The following PKIG variants were observed in gnomAD, a reference collection of about 807,000 sequenced individuals.
PKIG encodes the protein protein kinase (cAMP-dependent, catalytic) inhibitor gamma.
PKIG carries 1 observed loss-of-function variant against 6.8 expected under a neutral mutation model. The ratio of observed to expected loss-of-function variants is 0.15; its 90% confidence interval spans 0.05 to 0.69. The LOEUF (loss-of-function observed/expected upper bound fraction) is 0.69. PKIG is among the 30% of genes least tolerant of loss of function. The pLI, the probability that PKIG is intolerant of heterozygous loss-of-function variation, is 0.82. For synonymous variants in PKIG, 39 were observed against 43.0 expected (o/e 0.91, Z 0.36); for missense variants, 77 against 104.0 (o/e 0.74, Z 1.13).
chr20:44,614,526 C>T lies in PKIG; in HGVS notation c.-23-8C>T. 6.2e-7 allele frequency: 1 copy of T among 1,609,366 alleles called. No homozygotes were observed. Among genetic ancestry groups the T allele is most frequent in the Non-Finnish European group, 8.5e-7 (1 of 1,176,630 alleles). ...TTACCTCTGCCCCCTTGCCTTCTGTCCCCACAGGCCTGAGGAGCGATGCGA... is the reference window on the plus strand; with the variant it reads ...TTACCTCTGCCCCCTTGCCTTCTGTTCCCACAGGCCTGAGGAGCGATGCGA... On this transcript the variant is annotated splice_polypyrimidine_tract_variant and splice_region_variant and intron_variant, in intron 2 of 3. Coordinates refer to ENST00000372886, the MANE Select transcript of PKIG (RefSeq NM_001281445.2). The surrounding 1 kb of genome is among the most constrained non-coding windows in gnomAD (Gnocchi z 4.6).
chr20:44,550,063 GTT>G (rs1021924488), intron 1 of PKIG, among the ~76,000 whole-genome samples: 18 of 150,156 alleles, frequency 1.2e-4, no homozygotes, highest in Non-Finnish European at 2.4e-4. Flanking sequence ...GTATACCTTA[GTT>G]TTTTATGTAT....
chr20:44,568,788 C>T (rs931337999), intron 1 of PKIG, among the ~76,000 whole-genome samples: 3 of 151,986 alleles, frequency 2.0e-5, no homozygotes, highest in Non-Finnish European at 4.4e-5. Flanking sequence ...AGATATTCTT[C>T]GATAGTATCA....
intron 2 of PKIG, among the ~76,000 whole-genome samples, chr20:44,601,861 C>A (rs1415391519): frequency 6.6e-6 from 1 of 152,212 alleles, no homozygotes; most frequent in African/African-American, 2.4e-5. Context: ...GCAATGAGGA[C>A]TAATAGCTGC....
chr20:44,586,201 G>A (rs2064989238), intron 1 of PKIG, among the ~76,000 whole-genome samples: 2 of 152,174 alleles, frequency 1.3e-5, no homozygotes, highest in South Asian at 4.1e-4. Context: ...TGACCTCAAA[G>A]GGGTGCCATG....
intron 1 of PKIG, among the ~76,000 whole-genome samples, chr20:44,550,515 C>T (rs1036544632): frequency 7.9e-5 from 12 of 152,056 alleles, no homozygotes; most frequent in African/African-American, 2.9e-4. Flanking sequence ...TTTCTGTGCA[C>T]AGTGATTTCC....
chr20:44,617,722 C>G (rs1333201480), intron 3 of PKIG, among the ~76,000 whole-genome samples: 1 of 152,118 alleles, frequency 6.6e-6, no homozygotes, highest in African/African-American at 2.4e-5. Context: ...GCTCCCTGAG[C>G]TGGCCTGGTT....
At chr20:44,540,088 G>A (rs539590762) in intron 1 of PKIG, among the ~76,000 whole-genome samples, 1 of 152,182 alleles carries the variant, frequency 6.6e-6, no homozygotes, top group South Asian at 2.1e-4. Flanking sequence ...AGCCTCCTGA[G>A]TAGCTGGGAC....
At chr20:44,539,038 C>T (rs555187778) in intron 1 of PKIG, among the ~76,000 whole-genome samples, 47 of 152,068 alleles carry the variant, frequency 3.1e-4, no homozygotes, top group African/African-American at 1.1e-3. Flanking sequence ...AAGCAATTAT[C>T]CTGCTTCAGC....
chr20:44,604,717 C>G (rs2065149378), intron 2 of PKIG, among the ~76,000 whole-genome samples: 2 of 152,174 alleles, frequency 1.3e-5, no homozygotes, highest in African/African-American at 4.8e-5. Context: ...TGCAATAATT[C>G]ATCATTCATT....
intron 2 of PKIG, among the ~76,000 whole-genome samples, chr20:44,599,468 A>G (rs927372875): frequency 7.2e-5 from 11 of 152,210 alleles, no homozygotes; most frequent in Non-Finnish European, 1.6e-4. Flanking sequence ...TCAAGCCTGC[A>G]GTCCCAGCAC....
At chr20:44,554,575 G>C (rs948503073) in intron 1 of PKIG, among the ~76,000 whole-genome samples, 2 of 152,130 alleles carry the variant, frequency 1.3e-5, no homozygotes, top group Non-Finnish European at 1.5e-5. Context: ...CAAGGGTGAG[G>C]GGGTGAGGGG....
intron 2 of PKIG, among the ~76,000 whole-genome samples, chr20:44,602,929 G>A (rs1355947820): frequency 6.6e-6 from 1 of 152,014 alleles, no homozygotes; most frequent in Non-Finnish European, 1.5e-5. Flanking sequence ...AGAGAGAAGG[G>A]GACTCATCAA....
intron 2 of PKIG, among the ~76,000 whole-genome samples, chr20:44,593,360 AATCAACACAC>A (rs2065049225): frequency 9.1e-6 from 1 of 109,612 alleles, no homozygotes; most frequent in African/African-American, 3.9e-5. Flanking sequence ...ATGCTATAAT[AATCAACACAC>A]ACACACACAC....
At chr20:44,561,235 GC>G in intron 1 of PKIG, among the ~76,000 whole-genome samples, 1 of 152,296 alleles carries the variant, frequency 6.6e-6, no homozygotes, top group South Asian at 2.1e-4. Flanking sequence ...TACTTGAGAG[GC>G]TGAGGCAGGA....
At chr20:44,593,125 C>A (rs541158654) in intron 2 of PKIG, among the ~76,000 whole-genome samples, 2 of 151,560 alleles carry the variant, frequency 1.3e-5, no homozygotes, top group South Asian at 4.2e-4. Flanking sequence ...TCGAGACCAA[C>A]CTGGGCAACA....
intron 1 of PKIG, among the ~76,000 whole-genome samples, chr20:44,555,171 T>C (rs1466628095): frequency 1.3e-5 from 2 of 152,220 alleles, no homozygotes; most frequent in African/African-American, 4.8e-5. Context: ...ATCGATAGAA[T>C]TATCGTCAGT....
rs533957318 is a variant in PKIG, at chr20:44,598,239, G to C, written c.-24+8373G>C. Among the ~76,000 whole-genome samples, 6 of 152,328 alleles carry C rather than the reference G, an allele frequency of 3.9e-5. No homozygotes were observed. The South Asian group carries it at 1.2e-3, about 32-fold the overall frequency. ...TATGCAGCTCAATGCTCTAGAGGCA[G>C]GTTTCCCCAGAGAGAGCTAGGTGAA... On this transcript the variant is annotated intron_variant, in intron 2 of 3. Coordinates refer to ENST00000372886, the MANE Select transcript of PKIG (RefSeq NM_001281445.2).
At chr20:44,578,813 G>C (rs964784659), upstream of PKIG, among the ~76,000 whole-genome samples, 4 of 152,154 alleles carry the variant, frequency 2.6e-5, no homozygotes, top group African/African-American at 4.8e-5. Context: ...GTGTCAAGCA[G>C]GGATAATAAT....
chr20:44,616,751 CAGT>C (rs2065268390), intron 3 of PKIG, among the ~76,000 whole-genome samples: 1 of 152,228 alleles, frequency 6.6e-6, no homozygotes, highest in African/African-American at 2.4e-5. Context: ...CCGCAGGGAG[CAGT>C]TCCGTTTCAC....
Sources: allele counts gnomAD v4.1 joint callset (sites outside exome capture counted in the v4.1 genomes callset), GRCh38; gene constraint gnomAD v4.1.1; non-coding constraint Gnocchi (gnomAD v3.1); transcripts MANE v1.5; gene names NCBI Gene and HGNC (gene_info 2026-07-23, HGNC 2026-07-21).